The following TNK2 variants were observed in gnomAD, a reference collection of about 807,000 sequenced individuals.
TNK2 encodes activated CDC42 kinase 1.
Under a neutral mutation model 101.8 loss-of-function variants are expected in TNK2, and 83 were observed. The observed-to-expected ratio is 0.82, with a 90% confidence interval of 0.68 to 0.98. The LOEUF (loss-of-function observed/expected upper bound fraction) is 0.98. Among genes scored for constraint, TNK2 ranks in the 50% least tolerant of loss-of-function variants. TNK2 has a pLI of 0.00. For missense variants in TNK2, 1,665 were observed against 1,483.2 expected (o/e 1.12, Z -2.01); for synonymous variants, 804 against 633.0 (o/e 1.27, Z -4.06).
In TNK2 at chr3:195,878,046, A is replaced by G. The variant is rs1750415197; in HGVS notation, c.1256+207T>C. Among the ~76,000 whole-genome samples the G allele has an allele frequency of 6.6e-6, 1 of 151,632 alleles. No individual in the cohort carries two copies. The highest frequency in any genetic ancestry group is 6.6e-5 in the Admixed American group (1 of 15,254). The stretch of plus-strand genomic sequence containing the variant: ...CAGCCAGGGCTGCAGCCCAGTGGGA[A>G]AGGGTGGTGGAGGGAAGCTGGGCAG... On this transcript the variant is annotated intron_variant, in intron 9 of 15. Transcript: ENST00000672887. This position sits in a 1 kb window ranked among gnomAD's most constrained non-coding sequence, Gnocchi z 4.7.
At position 195,885,407 on chromosome 3, in the gene TNK2, C is replaced by T; in HGVS notation, c.235-374G>A. ...CACCCGCCACCCCGCAGACTCCAGC[C>T]CTAACCCGCATCGATGGAGCCGCAG... On this transcript the variant is annotated intron_variant, in intron 3 of 15. Transcript: ENST00000672887. This position sits in a 1 kb window ranked among gnomAD's most constrained non-coding sequence, Gnocchi z 4.7. 7.4e-7 allele frequency: 1 copy of T among 1,355,594 alleles called. No homozygotes were observed. The highest frequency in any genetic ancestry group is 9.7e-7 in the Non-Finnish European group (1 of 1,032,378). 84.0% of individuals were successfully genotyped at this position (1,355,594 alleles called of 1,614,324 possible).
At position 195,882,244 on chromosome 3, in the gene TNK2, A is replaced by C; in HGVS notation, c.694T>G (p.Tyr232Asp). The C allele has an allele frequency of 6.2e-7, 1 of 1,613,766 alleles. No individual in the cohort carries two copies. The highest frequency in any genetic ancestry group is 1.1e-5 in the South Asian group (1 of 91,088). ...GHFLLGTLSR[Y>D]AVQVAEGMGY... ...ATGCCCTCAGCCACCTGCACAGCGT[A>C]GCGGCTCAGAGTCCCCAGGAGGAAG... Residue 232 changes from tyrosine to aspartate, a missense_variant, in exon 6 of 16, where the codon TAC (tyrosine) becomes GAC (aspartate). Physicochemically the swap from Tyr to Asp is radical, Grantham distance 160 (BLOSUM62 -3). Transcript: ENST00000672887. The surrounding 1 kb of genome is among the most constrained non-coding windows in gnomAD (Gnocchi z 4.2).
At chr3:195,903,575 G>T (rs1474648354) in intron 1 of TNK2, among the ~76,000 whole-genome samples, 1 of 152,018 alleles carries the variant, frequency 6.6e-6, no homozygotes, top group African/African-American at 2.4e-5. Flanking sequence ...AAATTAGCCG[G>T]GTGTGGTGGT....
intron 1 of TNK2, among the ~76,000 whole-genome samples, chr3:195,897,454 T>C (rs1242161109): frequency 1.3e-5 from 2 of 152,242 alleles, no homozygotes; most frequent in Non-Finnish European, 1.5e-5. Flanking sequence ...CTGTGTCTGC[T>C]GGCAGTGCTA....
rs1560486288 is a variant in TNK2 at position 195,870,957 on chromosome 3, G to GGGGGCCCGCTGTGTGGGTTCTGGTGTGT, written c.1452-753_1452-752insACACACCAGAACCCACACAGCGGGCCCC. ...GGCCCGCTGTGTGGGTTCTGGTGTG[G>GGGGGCCCGCTGTGTGGGTTCTGGTGTGT]GGGGACTCGCTGTGTGGGGTTCTGG... On this transcript the variant is annotated intron_variant, in intron 10 of 15. Coordinates refer to ENST00000672887, the MANE Select transcript of TNK2 (RefSeq NM_001382273.1). Among the ~76,000 whole-genome samples the GGGGGCCCGCTGTGTGGGTTCTGGTGTGT allele has an allele frequency of 1.7e-4, 23 of 135,128 alleles. 1 individual carries two copies. Among genetic ancestry groups the GGGGGCCCGCTGTGTGGGTTCTGGTGTGT allele is most frequent in the South Asian group, 4.6e-4 (2 of 4,344 alleles). The allele number at this position is 135,128 out of a possible 152,430, so 88.6% of individuals were successfully genotyped here. A position where few individuals can be genotyped will look rare whatever the true frequency, so the allele number is the denominator to read the frequency against.
intron 6 of TNK2, 62 bp from the exon 7 acceptor site, chr3:195,879,237 G>A (rs2149466742): frequency 6.3e-7 from 1 of 1,598,614 alleles, no homozygotes; most frequent in South Asian, 1.1e-5. Context: ...CCGCCCCAGG[G>A]ACTTAAAACA....
chr3:195,865,046 C>T (rs1739707012), intron 15 of TNK2, among the ~76,000 whole-genome samples: 2 of 139,006 alleles, frequency 1.4e-5, no homozygotes, highest in East Asian at 2.2e-4. Context: ...AAGAACCACC[C>T]GAGACAGTGA....
Position 195,872,396 on chromosome 3 carries a change from G to C in TNK2, c.1331C>G (p.Thr444Ser). The C allele has an allele frequency of 6.2e-7, 1 of 1,613,346 alleles. No individual in the cohort carries two copies. The highest frequency in any genetic ancestry group is 8.5e-7 in the Non-Finnish European group (1 of 1,179,878). Residue 444 changes from threonine (T) to serine (S), a missense_variant, in exon 10 of 16, where the codon ACC (threonine) becomes AGC (serine). Thr to Ser is a moderately conservative substitution (Grantham distance 58). This residue lies in a region of TNK2 where 1,136 missense variants were observed against 894.9 expected (regional missense o/e 1.27). Coordinates refer to ENST00000672887, the MANE Select transcript of TNK2 (RefSeq NM_001382273.1). Reference sequence around the variant, plus strand: ...CTGGGCCGACAGGCCGGCCACGGAGGTCACCACGTTGCGAGGGAAGGGCCC... The same window carrying C: ...CTGGGCCGACAGGCCGGCCACGGAGCTCACCACGTTGCGAGGGAAGGGCCC... ...CVGPFPRNVV[T>S]SVAGLSAQDI...
chr3:195,867,508 A>G lies in TNK2; in HGVS notation c.2790T>C (p.Ala930=), dbSNP rs1248939370. ...AGAAGTTGGCCTTGGGGTCCAAGGC[A>G]GCCTGGGGCATCGGCCGCACGGTGG... ...PTATVRPMPQ[A]ALDPKANFST... The change falls in exon 13 of 16, where the codon GCT becomes GCC. Residue 930 remains alanine, a synonymous_variant. Transcript: ENST00000672887. 5.8e-6 allele frequency: 9 copies of G among 1,554,364 alleles called. No homozygotes were observed. Among genetic ancestry groups the G allele is most frequent in the Non-Finnish European group, 8.6e-7 (1 of 1,158,006 alleles).
chr3:195,892,534 G>A, intron 1 of TNK2: 2 of 1,530,270 alleles, frequency 1.3e-6, no homozygotes, highest in Non-Finnish European at 1.7e-6. Flanking sequence ...GGATCCAGTG[G>A]CCTCGGCTCC....
intron 9 of TNK2, among the ~76,000 whole-genome samples, chr3:195,873,814 GGCGGGGAGGCGGGGGGC>G (rs1747168196): frequency 6.6e-6 from 1 of 151,774 alleles, no homozygotes; most frequent in Admixed American, 6.5e-5. Context: ...CACCACGGTC[GGCGGGGAGGCGGGGGGC>G]GCGGGGCGCG....
intron 5 of TNK2, 78 bp downstream of exon 5, chr3:195,883,066 CCTCTGACCTTAGG>C: frequency 6.6e-7 from 1 of 1,507,114 alleles, no homozygotes; most frequent in Non-Finnish European, 9.0e-7. Flanking sequence ...ATCTAGGGCG[CCTCTGACCTTAGG>C]ATGGAGAGAG....
intron 1 of TNK2, chr3:195,896,046 C>A (rs1468719750): frequency 4.4e-6 from 2 of 453,436 alleles, no homozygotes; most frequent in Non-Finnish European, 8.9e-6. Flanking sequence ...GCTGGGCACG[C>A]ACTGACCTCC....
At chr3:195,891,545 G>A (rs1356155690) in intron 1 of TNK2, among the ~76,000 whole-genome samples, 3 of 152,182 alleles carry the variant, frequency 2.0e-5, no homozygotes, top group East Asian at 3.8e-4. Context: ...AGGACCAGGC[G>A]TCGTGGCTTT....
chr3:195,886,884 G>GC lies in TNK2; in HGVS notation c.234+92dup. ...CCGGCAGAACGGCGAGATTCGACCT[G>GC]CCGGGGAGCTGGGGAAGGTTCCCAG... On this transcript the variant is annotated intron_variant, in intron 3 of 15. Transcript: ENST00000672887. This position sits in a 1 kb window ranked among gnomAD's most constrained non-coding sequence, Gnocchi z 4.2. The GC allele has an allele frequency of 7.1e-7, 1 of 1,405,322 alleles. No homozygotes were observed. Among genetic ancestry groups the GC allele is most frequent in the Admixed American group, 1.7e-5 (1 of 59,408 alleles). 87.1% of individuals were successfully genotyped at this position (1,405,322 alleles called of 1,614,324 possible).
chr3:195,892,404 C>G lies in TNK2; in HGVS notation c.-18-3798G>C, dbSNP rs558958502. On this transcript the variant is annotated intron_variant, in intron 1 of 15. Coordinates refer to ENST00000672887, the MANE Select transcript of TNK2 (RefSeq NM_001382273.1). The stretch of plus-strand genomic sequence containing the variant: ...CCCCAGCAGTCCAGCCCCTGCCCCC[C>G]ACTCACTGTGTACAGGCGTCGCCGC... 1.4e-4 allele frequency: 209 copies of G among 1,529,956 alleles called. No homozygotes were observed. In the African/African-American group the frequency reaches 1.8e-3, roughly 13 times the overall value. The allele number at this position is 1,529,956 out of a possible 1,614,324, so 94.8% of individuals were successfully genotyped here. A position where few individuals can be genotyped will look rare whatever the true frequency, so the allele number is the denominator to read the frequency against.
chr3:195,870,059 C>A lies in TNK2; in HGVS notation c.1543+55G>T, dbSNP rs1353545982. The A allele has an allele frequency of 3.0e-6, 4 of 1,314,628 alleles. No homozygotes were observed. In the South Asian group the frequency reaches 6.3e-5, roughly 21 times the overall value. 81.4% of individuals were successfully genotyped at this position (1,314,628 alleles called of 1,614,324 possible). A position where few individuals can be genotyped will look rare whatever the true frequency, so the allele number is the denominator to read the frequency against. On this transcript the variant is annotated intron_variant, in intron 11 of 15. Transcript: ENST00000672887. The stretch of plus-strand genomic sequence containing the variant: ...CTTAGGGTGGCCTGTGAAGACAGTG[C>A]CCCTTCCTGAGTAGCCGATGAGTTA...
At chr3:195,870,016 C>G in intron 11 of TNK2, 98 bp downstream of exon 11, 1 of 1,022,298 alleles carries the variant, frequency 9.8e-7, no homozygotes, top group African/African-American at 1.6e-5. Context: ...CCACTGTCCC[C>G]AAAAACAGAA....
chr3:195,887,398 G>A (rs1254858275), intron 2 of TNK2, among the ~76,000 whole-genome samples: 1 of 152,102 alleles, frequency 6.6e-6, no homozygotes, highest in African/African-American at 2.4e-5. Flanking sequence ...CAACTATCCA[G>A]GCCTAAAGTA....
Sources: gnomAD v4.1 joint callset for allele counts (sites outside exome capture counted in the v4.1 genomes callset) on GRCh38, gnomAD v4.1.1 for gene constraint, gnomAD v4.1.1 regional missense constraint, Gnocchi (gnomAD v3.1) non-coding constraint, MANE v1.5 for transcripts, NCBI Gene and HGNC (gene_info 2026-07-23, HGNC 2026-07-21) for gene names.